The following PIGU variants were observed in gnomAD, a reference collection of about 807,000 sequenced individuals.
The protein encoded by PIGU is phosphatidylinositol glycan anchor biosynthesis class U, also known as GPI-anchor transamidase component PIGU.
A neutral mutation model predicts 49.9 loss-of-function variants in PIGU; 24 were observed. That is an observed-to-expected ratio of 0.48 (90% confidence interval 0.35 to 0.68). PIGU has a LOEUF of 0.68. Ranked by LOEUF, PIGU falls within the 30% of genes least tolerant of loss-of-function variation. The pLI is 0.01. For missense variants in PIGU, 490 were observed against 532.6 expected, an observed-to-expected ratio of 0.92 and a Z score of 0.79; for synonymous variants, 220 against 205.7, an observed-to-expected ratio of 1.07 and a Z score of -0.59.
chr20:34,641,676 G>A (rs1986168460), intron 4 of PIGU, among the ~76,000 whole-genome samples: 1 of 151,978 alleles, frequency 6.6e-6, no homozygotes, highest in South Asian at 2.1e-4. Context: ...TCATTACCAA[G>A]GATAAAAAGA....
chr20:34,607,404 A>G (rs1212650700), intron 7 of PIGU, among the ~76,000 whole-genome samples: 4 of 152,138 alleles, frequency 2.6e-5, no homozygotes, highest in African/African-American at 9.7e-5. Context: ...CAGCAGCCAG[A>G]AGTCAGAGGG....
intron 4 of PIGU, among the ~76,000 whole-genome samples, chr20:34,642,652 CATATAT>C (rs10639203): frequency 0.41 from 53,276 of 131,098 alleles, 10,910 homozygotes; most frequent in Admixed American, 0.56. Context: ...ATATATATCT[CATATAT>C]ATATATATAT....
chr20:34,612,091 A>G (rs1984837106), intron 7 of PIGU, among the ~76,000 whole-genome samples: 1 of 152,220 alleles, frequency 6.6e-6, no homozygotes, highest in Non-Finnish European at 1.5e-5. Flanking sequence ...TTACAATAGC[A>G]AAGACTTAGA....
intron 11 of PIGU, among the ~76,000 whole-genome samples, chr20:34,564,367 T>C (rs1266273148): frequency 1.3e-5 from 2 of 152,244 alleles, no homozygotes; most frequent in African/African-American, 4.8e-5. Context: ...AAAAAGTTTA[T>C]TTAAAAAATA....
rs1045098842 is a variant in PIGU at position 34,675,351 on chromosome 20, A to C, written c.130+1605T>G. 3.3e-5 allele frequency among the ~76,000 whole-genome samples: 5 copies of C among 152,150 alleles called. No individual in the cohort carries two copies. The South Asian group carries it at 6.2e-4, about 19-fold the overall frequency. On this transcript the variant is annotated intron_variant, in intron 1 of 11. Coordinates refer to ENST00000217446, the MANE Select transcript of PIGU (RefSeq NM_080476.5). ...AATGCTCTTAGTAGGGTGTAGAGGA[A>C]GAAGGGCCTAATACTGCCTCAGGTT...
intron 1 of PIGU, among the ~76,000 whole-genome samples, chr20:34,659,300 T>TG (rs1986847850): frequency 2.6e-5 from 2 of 75,516 alleles, no homozygotes; most frequent in African/African-American, 1.1e-4. Flanking sequence ...GGGAGGGAGG[T>TG]GGGGGGGTCA....
At chr20:34,617,028 T>C (rs1283978817) in intron 6 of PIGU, among the ~76,000 whole-genome samples, 1 of 152,172 alleles carries the variant, frequency 6.6e-6, no homozygotes, top group African/African-American at 2.4e-5. Flanking sequence ...AAGAATTGCT[T>C]GAAACTGGGA....
At chr20:34,609,595 C>T (rs1173364333) in intron 7 of PIGU, among the ~76,000 whole-genome samples, 3 of 152,132 alleles carry the variant, frequency 2.0e-5, no homozygotes, top group African/African-American at 7.2e-5. Context: ...GAACTCCTAA[C>T]CTCAGGTGAT....
At chr20:34,645,765 C>T (rs1296692770) in intron 2 of PIGU, among the ~76,000 whole-genome samples, 1 of 151,986 alleles carries the variant, frequency 6.6e-6, no homozygotes, top group Non-Finnish European at 1.5e-5. Flanking sequence ...GGCGTGGTGG[C>T]GGGCGCCTGT....
At chr20:34,620,248 C>A (rs74316548) in intron 6 of PIGU, among the ~76,000 whole-genome samples, 3 of 152,230 alleles carry the variant, frequency 2.0e-5, no homozygotes, top group Non-Finnish European at 2.9e-5. Context: ...CTTCCACACA[C>A]GCCCTGTCCT....
chr20:34,607,780 G>A (rs927010806), intron 7 of PIGU, among the ~76,000 whole-genome samples: 1 of 152,108 alleles, frequency 6.6e-6, no homozygotes, highest in Non-Finnish European at 1.5e-5. Flanking sequence ...ACTGCACAGA[G>A]TTGTGCACAG....
intron 7 of PIGU, among the ~76,000 whole-genome samples, chr20:34,615,272 G>T (rs1309029932): frequency 2.0e-5 from 3 of 152,190 alleles, no homozygotes; most frequent in Non-Finnish European, 4.4e-5. Flanking sequence ...GTAAATGTCA[G>T]CAATTTGCAT....
chr20:34,584,055 G>A (rs921335152), intron 9 of PIGU, among the ~76,000 whole-genome samples: 11 of 152,246 alleles, frequency 7.2e-5, no homozygotes, highest in Middle Eastern at 3.4e-3. Context: ...CAATCTCTCC[G>A]GAGCTTGGCA....
At chr20:34,637,426 A>G (rs932601300) in intron 5 of PIGU, among the ~76,000 whole-genome samples, 9 of 152,180 alleles carry the variant, frequency 5.9e-5, no homozygotes, top group Admixed American at 5.2e-4. Context: ...AGTCTTCCAC[A>G]TGGGTCACCC....
intron 2 of PIGU, among the ~76,000 whole-genome samples, chr20:34,645,661 T>C (rs915472925): frequency 5.3e-4 from 80 of 152,128 alleles, no homozygotes; most frequent in African/African-American, 1.9e-3. Flanking sequence ...TTTGGGAGGC[T>C]GAGGCAGGCA....
At chr20:34,652,139 A>G (rs1986560884) in intron 2 of PIGU, among the ~76,000 whole-genome samples, 1 of 152,054 alleles carries the variant, frequency 6.6e-6, no homozygotes, top group African/African-American at 2.4e-5. Flanking sequence ...AACTACAACT[A>G]CAGGCACATA....
At chr20:34,584,518 T>TC in intron 9 of PIGU, among the ~76,000 whole-genome samples, 1 of 145,822 alleles carries the variant, frequency 6.9e-6, no homozygotes, top group East Asian at 2.0e-4. Flanking sequence ...TTTTTTTTTT[T>TC]TTTTTTTTTT....
intron 1 of PIGU, among the ~76,000 whole-genome samples, chr20:34,672,452 G>A (rs565326627): frequency 6.6e-6 from 1 of 152,218 alleles, no homozygotes; most frequent in Admixed American, 6.5e-5. Flanking sequence ...CCTTTCCAAA[G>A]AGGTAGATAC....
In PIGU at chr20:34,675,985, CACTT is replaced by C. The variant is rs1251740298; in HGVS notation, c.130+967_130+970del. 5.4e-5 allele frequency among the ~76,000 whole-genome samples: 8 copies of C among 147,506 alleles called. No homozygotes were observed. The East Asian group carries it at 7.9e-4, about 15-fold the overall frequency. On this transcript the variant is annotated intron_variant, in intron 1 of 11. Coordinates refer to ENST00000217446, the MANE Select transcript of PIGU (RefSeq NM_080476.5). ...GTTTTTAAAAATTCATTGAACTCTA[CACTT>C]ACTTAATATGCATTGTATGTATACT...
Sources: gnomAD v4.1 joint callset for allele counts (sites outside exome capture counted in the v4.1 genomes callset) on GRCh38, gnomAD v4.1.1 for gene constraint, MANE v1.5 for transcripts, NCBI Gene and HGNC (gene_info 2026-07-23, HGNC 2026-07-21) for gene names.